KIRREL3: variants seen among roughly 807,000 people sequenced by gnomAD.
KIRREL3 encodes kirre like nephrin family adhesion molecule 3.
KIRREL3 carries 36 observed loss-of-function variants against 89.7 expected under a neutral mutation model. The ratio of observed to expected loss-of-function variants is 0.40; its 90% CI spans 0.31 to 0.53. The LOEUF (loss-of-function observed/expected upper bound fraction) is 0.53. Among genes scored for constraint, KIRREL3 ranks in the 20% least tolerant of loss-of-function variants. The pLI is 0.49. For missense variants in KIRREL3, 864 were observed against 1,056.6 expected (o/e 0.82, Z 2.53); for synonymous variants, 445 against 441.4 (o/e 1.01, Z -0.10).
At position 126,636,131 on chromosome 11, in the gene KIRREL3, G is replaced by T. The variant is rs1457637721; in HGVS notation, c.56-73219C>A. On this transcript the variant is annotated intron_variant, in intron 1 of 16. Transcript: ENST00000525144. The surrounding 1 kb of genome is among the most constrained non-coding windows in gnomAD (Gnocchi z 4.4). The stretch of plus-strand genomic sequence containing the variant: ...CCTTGGGGAAGTCATATAGAATTTT[G>T]AATTTTAGTTCCTTCATTTGTAAAA... Among the ~76,000 whole-genome samples, 1 of 152,104 alleles carries T rather than the reference G, an allele frequency of 6.6e-6. No individual in the cohort carries two copies. The highest frequency in any genetic ancestry group is 1.5e-5 in the Non-Finnish European group (1 of 68,000).
chr11:126,668,085 C>T lies in KIRREL3; in HGVS notation c.56-105173G>A, dbSNP rs1197878845. Among the ~76,000 whole-genome samples, 3 of 152,098 alleles carry T rather than the reference C, an allele frequency of 2.0e-5. No homozygotes were observed. The highest frequency in any genetic ancestry group is 4.8e-5 in the African/African-American group (2 of 41,418). On this transcript the variant is annotated intron_variant, in intron 1 of 16. Transcript: ENST00000525144. The surrounding 1 kb of genome is among the most constrained non-coding windows in gnomAD (Gnocchi z 4.4). ...TGAGCCCCTGTGTCTTAGTCAGTTT[C>T]GGCTATAACAAAACACCATAAACTG...
At chr11:126,440,242 C>T (rs1247215461) in intron 11 of KIRREL3, 6 of 701,822 alleles carry the variant, frequency 8.5e-6, no homozygotes, top group East Asian at 8.1e-5. Flanking sequence ...GGCAGCTGAA[C>T]CCTGGGAGAG....
intron 9 of KIRREL3, among the ~76,000 whole-genome samples, chr11:126,446,404 C>T (rs1257846059): frequency 2.0e-5 from 3 of 150,590 alleles, no homozygotes; most frequent in African/African-American, 7.3e-5. Context: ...CTCTTGAGCT[C>T]ATGTGATCCT....
chr11:126,567,467 G>A (rs1203180215), intron 1 of KIRREL3, among the ~76,000 whole-genome samples: 1 of 152,210 alleles, frequency 6.6e-6, no homozygotes, highest in Non-Finnish European at 1.5e-5. Context: ...CCCCACAGCT[G>A]GTGGTACTTT....
In KIRREL3 at chr11:126,440,439, G is replaced by GA. The variant is rs1415516851; in HGVS notation, c.1353+9dup. 3 of 1,562,478 alleles carry GA rather than the reference G, an allele frequency of 1.9e-6. No homozygotes were observed. Among genetic ancestry groups the GA allele is most frequent in the Non-Finnish European group, 2.6e-6 (3 of 1,154,500 alleles). ...GCCCGGCCCCCGCCCGCCGTCCCTG[G>GA]AGCACTCACGATGCGGTCCGGCGGC... On this transcript the variant is annotated intron_variant, in intron 11 of 16. Coordinates refer to ENST00000525144, the MANE Select transcript of KIRREL3 (RefSeq NM_032531.4).
rs572838641 is a variant in KIRREL3 at position 126,981,746 on chromosome 11, C to T, written c.55+18709G>A. ...TTGGTGCCTGGGGAACTGGGGAAGG[C>T]CCCCGTTTCTACCAAAGAGGGCCTC... On this transcript the variant is annotated intron_variant, in intron 1 of 16. Transcript: ENST00000525144. This position sits in a 1 kb window ranked among gnomAD's most constrained non-coding sequence, Gnocchi z 4.2. 6.6e-6 allele frequency among the ~76,000 whole-genome samples: 1 copy of T among 152,208 alleles called. No individual in the cohort carries two copies. Among genetic ancestry groups the T allele is most frequent in the Admixed American group, 6.5e-5 (1 of 15,296 alleles).
Position 126,812,871 on chromosome 11 carries a change from C to T in KIRREL3, c.55+187584G>A, listed in dbSNP as rs1010053851. Among the ~76,000 whole-genome samples the T allele has an allele frequency of 1.3e-5, 2 of 152,302 alleles. No homozygotes were observed. Among genetic ancestry groups the T allele is most frequent in the South Asian group, 2.1e-4 (1 of 4,826 alleles). On this transcript the variant is annotated intron_variant, in intron 1 of 16. Transcript: ENST00000525144. This position sits in a 1 kb window ranked among gnomAD's most constrained non-coding sequence, Gnocchi z 5.2. ...ACATGGCTCCATCTAAAGGAAGTGG[C>T]CTACGGGAATCTGCGCACCTCTGCT...
At position 126,574,650 on chromosome 11, in the gene KIRREL3, G is replaced by A. The variant is rs1258731324; in HGVS notation, c.56-11738C>T. Reference sequence around the variant, plus strand: ...ATCTAGCAGCCCCACCAGAGCAAAGGACGAGGGTGGCTGGGATAGTGTGTG... The same window carrying A: ...ATCTAGCAGCCCCACCAGAGCAAAGAACGAGGGTGGCTGGGATAGTGTGTG... On this transcript the variant is annotated intron_variant, in intron 1 of 16. Coordinates refer to ENST00000525144, the MANE Select transcript of KIRREL3 (RefSeq NM_032531.4). The surrounding 1 kb of genome is among the most constrained non-coding windows in gnomAD (Gnocchi z 5.3). Among the ~76,000 whole-genome samples the A allele has an allele frequency of 6.6e-6, 1 of 152,184 alleles. No homozygotes were observed. The highest frequency in any genetic ancestry group is 1.9e-4 in the East Asian group (1 of 5,196).
In KIRREL3 at chr11:126,677,077, G is replaced by A. The variant is rs1424412739; in HGVS notation, c.56-114165C>T. Among the ~76,000 whole-genome samples the A allele has an allele frequency of 6.6e-6, 1 of 151,558 alleles. No homozygotes were observed. The highest frequency in any genetic ancestry group is 1.5e-5 in the Non-Finnish European group (1 of 67,934). On this transcript the variant is annotated intron_variant, in intron 1 of 16. Transcript: ENST00000525144. The surrounding 1 kb of genome is among the most constrained non-coding windows in gnomAD (Gnocchi z 5.1). The stretch of plus-strand genomic sequence containing the variant: ...ATTTTTTTTTTTTAACAGCTGTATT[G>A]AGATACAGTTCACATATGGCCCACT...
At position 126,701,458 on chromosome 11, in the gene KIRREL3, G is replaced by T. The variant is rs959614955; in HGVS notation, c.56-138546C>A. ...GGAGGAAGCTGGGCAGAAATGCTCC[G>T]AATCAATAGCTCTTTCTTCTTGGTG... On this transcript the variant is annotated intron_variant, in intron 1 of 16. Coordinates refer to ENST00000525144, the MANE Select transcript of KIRREL3 (RefSeq NM_032531.4). 3.3e-5 allele frequency among the ~76,000 whole-genome samples: 5 copies of T among 152,230 alleles called. No individual in the cohort carries two copies. In the South Asian group the frequency reaches 1.0e-3, roughly 32 times the overall value.
chr11:126,925,111 G>T (rs546023434), intron 1 of KIRREL3, among the ~76,000 whole-genome samples: 19 of 129,432 alleles, frequency 1.5e-4, no homozygotes, highest in Middle Eastern at 4.1e-3. Context: ...GGGGGGGGGG[G>T]GCTGTTGGTC....
chr11:126,446,525 T>C (rs1053021180), intron 9 of KIRREL3, among the ~76,000 whole-genome samples: 8 of 152,164 alleles, frequency 5.3e-5, no homozygotes, highest in African/African-American at 1.9e-4. Context: ...CCTACTTTTC[T>C]TGTAAGGTTT....
chr11:126,623,195 C>A lies in KIRREL3; in HGVS notation c.56-60283G>T, dbSNP rs1943643311. On this transcript the variant is annotated intron_variant, in intron 1 of 16. Coordinates refer to ENST00000525144, the MANE Select transcript of KIRREL3 (RefSeq NM_032531.4). This position sits in a 1 kb window ranked among gnomAD's most constrained non-coding sequence, Gnocchi z 4.1. Reference sequence around the variant, plus strand: ...CCAAACCCACTAACAGGACAGTTTTCTTCACCTTCAACTCATCTCAATGGG... The same window carrying A: ...CCAAACCCACTAACAGGACAGTTTTATTCACCTTCAACTCATCTCAATGGG... Among the ~76,000 whole-genome samples, 1 of 152,228 alleles carries A rather than the reference C, an allele frequency of 6.6e-6. No homozygotes were observed. The highest frequency in any genetic ancestry group is 1.5e-5 in the Non-Finnish European group (1 of 68,042).
intron 1 of KIRREL3, among the ~76,000 whole-genome samples, chr11:126,717,203 G>A (rs1947999449): frequency 6.6e-6 from 1 of 152,140 alleles, no homozygotes; most frequent in African/African-American, 2.4e-5. Context: ...GAACCCACTG[G>A]CATCCTTTCG....
chr11:126,539,702 G>A (rs907517074), intron 2 of KIRREL3, among the ~76,000 whole-genome samples: 23 of 152,310 alleles, frequency 1.5e-4, no homozygotes, highest in African/African-American at 5.1e-4. Context: ...TTTTAAATGT[G>A]TTGATGGAGA....
intron 7 of KIRREL3, 149 bp downstream of exon 7, chr11:126,456,200 T>G (rs2134232886): frequency 1.7e-6 from 1 of 595,044 alleles, no homozygotes; most frequent in Non-Finnish European, 3.0e-6. Context: ...GCAGGCGGGT[T>G]TAAGAGGAAG....
Position 126,852,891 on chromosome 11 carries a change from G to A in KIRREL3, c.55+147564C>T, listed in dbSNP as rs927125874. Among the ~76,000 whole-genome samples the A allele has an allele frequency of 3.3e-5, 5 of 152,268 alleles. 1 individual carries two copies. Among genetic ancestry groups the A allele is most frequent in the African/African-American group, 9.6e-5 (4 of 41,552 alleles). On this transcript the variant is annotated intron_variant, in intron 1 of 16. Coordinates refer to ENST00000525144, the MANE Select transcript of KIRREL3 (RefSeq NM_032531.4). ...GAGGCTGCACCATCCTCAGCTGGAT[G>A]GGAACCAAGACGCCCTCAGGGAATG...
At chr11:126,938,957 T>C (rs1216878125) in intron 1 of KIRREL3, among the ~76,000 whole-genome samples, 5 of 151,986 alleles carry the variant, frequency 3.3e-5, no homozygotes, top group African/African-American at 1.2e-4. Context: ...AGTCTCTAGG[T>C]AGAGGGTAAA....
Position 126,877,577 on chromosome 11 carries a change from TC to T in KIRREL3, c.55+122877del, listed in dbSNP as rs1223856556. On this transcript the variant is annotated intron_variant, in intron 1 of 16. Coordinates refer to ENST00000525144, the MANE Select transcript of KIRREL3 (RefSeq NM_032531.4). The surrounding 1 kb of genome is among the most constrained non-coding windows in gnomAD (Gnocchi z 4.9). ...TCATTATATTTAGAGCTAAAATAAT[TC>T]CAGAATCAATTGACGTAGATGAAAG... Among the ~76,000 whole-genome samples, 1 of 152,194 alleles carries T rather than the reference TC, an allele frequency of 6.6e-6. No individual in the cohort carries two copies. Among genetic ancestry groups the T allele is most frequent in the Non-Finnish European group, 1.5e-5 (1 of 68,042 alleles).
Sources: gnomAD v4.1 joint callset for allele counts (sites outside exome capture counted in the v4.1 genomes callset) on GRCh38, gnomAD v4.1.1 for gene constraint, Gnocchi (gnomAD v3.1) non-coding constraint, MANE v1.5 for transcripts, NCBI Gene and HGNC (gene_info 2026-07-23, HGNC 2026-07-21) for gene names.